Variants in DNAH2 observed in about 807,000 individuals in gnomAD.
The protein encoded by DNAH2 is axonemal beta dynein heavy chain 2.
Under a neutral mutation model 523.5 loss-of-function variants are expected in DNAH2, and 323 were observed. The observed-to-expected ratio is 0.62, with a 90% CI of 0.56 to 0.68. DNAH2 has a LOEUF of 0.68. Among genes scored for constraint, DNAH2 ranks in the 30% least tolerant of loss-of-function variants. The probability of loss-of-function intolerance (pLI) is 0.00; values close to 1 mark genes in which losing one functional copy is unlikely to be tolerated. For missense variants in DNAH2, 4,907 were observed against 5,701.5 expected, an observed-to-expected ratio of 0.86 and a Z score of 4.49; for synonymous variants, 2,093 against 2,177.4, an observed-to-expected ratio of 0.96 and a Z score of 1.08.
Position 7,771,450 on chromosome 17 carries a change from C to T in DNAH2, c.4483C>T (p.Arg1495Trp), listed in dbSNP as rs776753676. The T allele has an allele frequency of 1.2e-5, 19 of 1,613,796 alleles. No homozygotes were observed. The highest frequency in any genetic ancestry group is 1.6e-4 in the Middle Eastern group (1 of 6,080). ...GATGAACAAGGACAACAATGCTCTCCGGAGCACCCATCACCCAGGTCAGAG... is the reference window on the plus strand; with the variant it reads ...GATGAACAAGGACAACAATGCTCTCTGGAGCACCCATCACCCAGGTCAGAG... ...DRMNKDNNAL[R>W]STHHPGLLDT... The change falls in exon 28 of 86, where the codon CGG becomes TGG. Residue 1495 changes from arginine to tryptophan, a missense_variant. Transcript: ENST00000572933.
At chr17:7,772,127 C>T (rs974459088) in intron 28 of DNAH2, among the ~76,000 whole-genome samples, 1 of 151,986 alleles carries the variant, frequency 6.6e-6, no homozygotes, top group African/African-American at 2.4e-5. Context: ...GAGGCCTGGT[C>T]GACTGGGGGA....
chr17:7,793,278 GC>G, intron 48 of DNAH2, 73 bp downstream of exon 48: 1 of 1,507,024 alleles, frequency 6.6e-7, no homozygotes, highest in South Asian at 1.2e-5. Flanking sequence ...CTCCACTGGG[GC>G]CCCAGGCTAT....
Position 7,760,321 on chromosome 17 carries a change from A to G in DNAH2, c.2785+383A>G, listed in dbSNP as rs1490904770. The stretch of plus-strand genomic sequence containing the variant: ...GGTTGCAGTGAGCGGAGATCATGCC[A>G]CTGCATTCCAGCCTGGGTGACAGAG... On this transcript the variant is annotated intron_variant, in intron 17 of 85. Coordinates refer to ENST00000572933, the MANE Select transcript of DNAH2 (RefSeq NM_020877.5). This position sits in a 1 kb window ranked among gnomAD's most constrained non-coding sequence, Gnocchi z 4.0. Among the ~76,000 whole-genome samples, 1 of 151,722 alleles carries G rather than the reference A, an allele frequency of 6.6e-6. No individual in the cohort carries two copies. The highest frequency in any genetic ancestry group is 1.5e-5 in the Non-Finnish European group (1 of 67,924).
At chr17:7,741,476 G>A (rs2075349466) in intron 11 of DNAH2, among the ~76,000 whole-genome samples, 2 of 150,900 alleles carry the variant, frequency 1.3e-5, no homozygotes, top group African/African-American at 4.9e-5. Context: ...TCCTGCCTCA[G>A]CCTCCCGAGT....
chr17:7,743,662 T>A, intron 12 of DNAH2: 379 of 288,492 alleles, frequency 1.3e-3, no homozygotes, highest in Middle Eastern at 3.4e-3. Flanking sequence ...TGACCCTGCC[T>A]CAAAAACAAA....
chr17:7,760,013 C>G lies in DNAH2; in HGVS notation c.2785+75C>G. On this transcript the variant is annotated intron_variant, in intron 17 of 85. Coordinates refer to ENST00000572933, the MANE Select transcript of DNAH2 (RefSeq NM_020877.5). This position sits in a 1 kb window ranked among gnomAD's most constrained non-coding sequence, Gnocchi z 4.0. ...GAGTGGGCCAGGCCAGGAGGAGAGACCAGGGCTATTTCCAGGCATACTGGG... is the reference window on the plus strand; with the variant it reads ...GAGTGGGCCAGGCCAGGAGGAGAGAGCAGGGCTATTTCCAGGCATACTGGG... 6.2e-6 allele frequency: 10 copies of G among 1,600,886 alleles called. No individual in the cohort carries two copies. The highest frequency in any genetic ancestry group is 8.5e-6 in the Non-Finnish European group (10 of 1,170,210).
Position 7,779,232 on chromosome 17 carries a change from G to T in DNAH2, c.5542-11G>T, listed in dbSNP as rs1440192724. ...CTCTCGCTCCCAGTGACTCTGCCTTGCACCCCGCAGACTGGAGCTTGGGGC... is the reference window on the plus strand; with the variant it reads ...CTCTCGCTCCCAGTGACTCTGCCTTTCACCCCGCAGACTGGAGCTTGGGGC... On this transcript the variant is annotated splice_polypyrimidine_tract_variant and intron_variant, in intron 35 of 85. Coordinates refer to ENST00000572933, the MANE Select transcript of DNAH2 (RefSeq NM_020877.5). The T allele has an allele frequency of 1.2e-6, 2 of 1,613,250 alleles. No individual in the cohort carries two copies. The highest frequency in any genetic ancestry group is 4.5e-5 in the East Asian group (2 of 44,864).
intron 8 of DNAH2, 119 bp from the exon 9 acceptor site, chr17:7,739,614 T>C: frequency 2.1e-6 from 2 of 937,860 alleles, no homozygotes; most frequent in South Asian, 1.7e-5. Flanking sequence ...CTTCTTTTTT[T>C]TTTTTTCACT....
rs755658015 is a variant in DNAH2, at chr17:7,831,647, C to T, written c.12612-14C>T. 4 of 1,613,730 alleles carry T rather than the reference C, an allele frequency of 2.5e-6. No homozygotes were observed. Among genetic ancestry groups the T allele is most frequent in the South Asian group, 1.1e-5 (1 of 91,072 alleles). On this transcript the variant is annotated splice_polypyrimidine_tract_variant and intron_variant, in intron 81 of 85. Coordinates refer to ENST00000572933, the MANE Select transcript of DNAH2 (RefSeq NM_020877.5). The surrounding 1 kb of genome is among the most constrained non-coding windows in gnomAD (Gnocchi z 4.2). ...GCCCACCTCATCTCTAACACTCCAC[C>T]TCATCCTGCTCAGGTTCTCACTGAC... is the stretch of plus-strand genomic sequence containing the variant.
rs2078140122 is a variant in DNAH2, at chr17:7,830,504, C to A, written c.12045+13C>A. On this transcript the variant is annotated intron_variant, in intron 78 of 85. Transcript: ENST00000572933. ...CTCCGACTTTGAGGTTTGCATTAGC[C>A]AGGGGTCCTCATCCCAGCCCTCTCT... 3 of 1,613,188 alleles carry A rather than the reference C, an allele frequency of 1.9e-6. No individual in the cohort carries two copies. The African/African-American group carries it at 4.0e-5, about 22-fold the overall frequency.
chr17:7,795,253 G>T (rs1256934502), intron 49 of DNAH2, among the ~76,000 whole-genome samples: 3 of 152,134 alleles, frequency 2.0e-5, no homozygotes, highest in Non-Finnish European at 4.4e-5. Flanking sequence ...TACAAAATCA[G>T]TAGAGTACAG....
At chr17:7,726,226 G>T (rs2074804952) in intron 3 of DNAH2, among the ~76,000 whole-genome samples, 1 of 151,608 alleles carries the variant, frequency 6.6e-6, no homozygotes, top group South Asian at 2.1e-4. Flanking sequence ...GGCTGGTCTT[G>T]AATGCCTGAC....
intron 6 of DNAH2, 43 bp from the exon 7 acceptor site, chr17:7,734,427 G>A (rs1004376537): frequency 3.7e-6 from 6 of 1,606,692 alleles, no homozygotes; most frequent in Non-Finnish European, 5.1e-6. Flanking sequence ...CTGTTGGGAA[G>A]CAGTGTGAAG....
chr17:7,763,228 G>A (rs1396629304), intron 18 of DNAH2, among the ~76,000 whole-genome samples: 1 of 151,990 alleles, frequency 6.6e-6, no homozygotes, highest in Non-Finnish European at 1.5e-5. Context: ...GCGCGATCTC[G>A]GCTTACTGCA....
chr17:7,777,316 C>A, intron 32 of DNAH2, 130 bp from the exon 33 acceptor site: 2 of 986,116 alleles, frequency 2.0e-6, no homozygotes, highest in Non-Finnish European at 3.1e-6. Flanking sequence ...CGTGGTAGAG[C>A]AGAATTACCA....
At chr17:7,744,209 G>A (rs1179861205) in intron 12 of DNAH2, among the ~76,000 whole-genome samples, 6 of 149,678 alleles carry the variant, frequency 4.0e-5, no homozygotes, top group African/African-American at 7.4e-5. Context: ...CAGGAAAATC[G>A]CTTGAACCCG....
rs546811137 is a variant in DNAH2 at position 7,753,760 on chromosome 17, CAACATGACGA to C, written c.1905-3327_1905-3318del. Among the ~76,000 whole-genome samples the C allele has an allele frequency of 4.8e-3, 733 of 151,976 alleles. 3 individuals carry two copies. The highest frequency in any genetic ancestry group is 7.2e-3 in the Non-Finnish European group (491 of 67,992). The stretch of plus-strand genomic sequence containing the variant: ...GTCAGGAGTTCGAGACCAGCCTGGC[CAACATGACGA>C]AACCCTGTCTCTACTAAAAATACAA... On this transcript the variant is annotated intron_variant, in intron 12 of 85. Transcript: ENST00000572933.
intron 77 of DNAH2, among the ~76,000 whole-genome samples, chr17:7,830,090 A>ATGCCTATC (rs2078126939): frequency 6.6e-6 from 1 of 152,008 alleles, no homozygotes; most frequent in African/African-American, 2.4e-5. Context: ...AGCCCATACA[A>ATGCCTATC]TGCCTATCTG....
rs1330930168 is a variant in DNAH2, at chr17:7,833,674, A to G, written c.*141A>G. The G allele has an allele frequency of 8.8e-7, 1 of 1,138,438 alleles. No individual in the cohort carries two copies. Among genetic ancestry groups the G allele is most frequent in the South Asian group, 1.3e-5 (1 of 76,106 alleles). The allele number at this position is 1,138,438 out of a possible 1,614,324, so 70.5% of individuals were successfully genotyped here. A position where few individuals can be genotyped will look rare whatever the true frequency, so the allele number is the denominator to read the frequency against. ...GTGTGATGTGGCCCTGGAGATACCT[A>G]GTTGTGTTAGCCATAAAAGTGAAAG... On this transcript the variant is annotated 3_prime_UTR_variant, in exon 86 of 86. Transcript: ENST00000572933.
Sources: gnomAD v4.1 joint callset for allele counts (sites outside exome capture counted in the v4.1 genomes callset) on GRCh38, gnomAD v4.1.1 for gene constraint, Gnocchi (gnomAD v3.1) non-coding constraint, MANE v1.5 for transcripts, NCBI Gene and HGNC (gene_info 2026-07-23, HGNC 2026-07-21) for gene names.